Variants in PLSCR2 observed in about 807,000 individuals in gnomAD.
PLSCR2 encodes phospholipid scramblase 2.
PLSCR2 carries 18 observed loss-of-function variants against 25.3 expected under a neutral mutation model. The ratio of observed to expected loss-of-function variants is 0.71; its 90% CI spans 0.49 to 1.06. The LOEUF is 1.06. PLSCR2 is among the 50% of genes least tolerant of loss of function. The pLI, the probability that PLSCR2 is intolerant of heterozygous loss-of-function variation, is 0.00. For missense variants in PLSCR2, 243 were observed against 269.5 expected, an observed-to-expected ratio of 0.90 and a Z score of 0.69; for synonymous variants, 88 against 87.3, an observed-to-expected ratio of 1.01 and a Z score of -0.04.
intron 2 of PLSCR2, among the ~76,000 whole-genome samples, chr3:146,414,212 A>G (rs909501560): frequency 1.3e-5 from 2 of 152,184 alleles, no homozygotes; most frequent in African/African-American, 4.8e-5. Flanking sequence ...TCATGACCTA[A>G]TCACCTCTTA....
At chr3:146,400,191 A>T (rs1011575217) in intron 2 of PLSCR2, among the ~76,000 whole-genome samples, 1 of 151,798 alleles carries the variant, frequency 6.6e-6, no homozygotes, top group African/African-American at 2.4e-5. Flanking sequence ...ACAAAGGAAG[A>T]AGTAAAATCT....
exon 2 of PLSCR2, chr3:146,460,076 G>C (rs747691324): frequency 6.5e-7 from 1 of 1,526,794 alleles, no homozygotes; most frequent in Non-Finnish European, 8.8e-7. Flanking sequence ...CAATATGTCC[G>C]GGAGGTCCTG....
At chr3:146,493,154 A>G (rs888083743) in intron 1 of PLSCR2, among the ~76,000 whole-genome samples, 3 of 152,160 alleles carry the variant, frequency 2.0e-5, no homozygotes, top group Admixed American at 6.5e-5. Context: ...CCAAAACTGA[A>G]TGAGTAATAA....
intron 2 of PLSCR2, among the ~76,000 whole-genome samples, chr3:146,406,887 G>A (rs953630451): frequency 2.0e-5 from 3 of 152,126 alleles, no homozygotes; most frequent in Non-Finnish European, 4.4e-5. Context: ...GATTGGGATG[G>A]GTTCCTCGAA....
At chr3:146,400,267 A>G (rs2038419509) in intron 2 of PLSCR2, among the ~76,000 whole-genome samples, 3 of 151,762 alleles carry the variant, frequency 2.0e-5, no homozygotes, top group African/African-American at 7.2e-5. Flanking sequence ...AGAATTTGTA[A>G]GTAATTTTTG....
At chr3:146,459,811 T>TC (rs779883871) in intron 2 of PLSCR2, 37 bp downstream of exon 2, 1 of 1,422,796 alleles carries the variant, frequency 7.0e-7, no homozygotes, top group Non-Finnish European at 9.7e-7. Flanking sequence ...AAGAGAGTTT[T>TC]TTTTTTTTTC....
intron 2 of PLSCR2, among the ~76,000 whole-genome samples, chr3:146,409,249 A>AG (rs879449040): frequency 6.6e-5 from 10 of 152,068 alleles, no homozygotes; most frequent in Non-Finnish European, 1.0e-4. Flanking sequence ...TACAGTCAAG[A>AG]GGCAATGGGT....
downstream of PLSCR2, among the ~76,000 whole-genome samples, chr3:146,437,399 T>G (rs1475876274): frequency 6.6e-6 from 1 of 151,590 alleles, no homozygotes; most frequent in African/African-American, 2.4e-5. Context: ...GTGAATCTGG[T>G]CCTGGACTTT....
At chr3:146,432,486 CAA>C (rs1371608699), downstream of PLSCR2, among the ~76,000 whole-genome samples, 1 of 151,992 alleles carries the variant, frequency 6.6e-6, no homozygotes, top group South Asian at 2.1e-4. Context: ...GAAAGATGGG[CAA>C]AGTGAGCCAC....
upstream of PLSCR2, among the ~76,000 whole-genome samples, chr3:146,464,420 T>C (rs1274031808): frequency 6.6e-6 from 1 of 152,198 alleles, no homozygotes; most frequent in Admixed American, 6.5e-5. Flanking sequence ...ATAACATGAC[T>C]CAGTTTAGGA....
intron 1 of PLSCR2, among the ~76,000 whole-genome samples, chr3:146,479,004 A>T (rs1353915139): frequency 6.6e-6 from 1 of 152,226 alleles, no homozygotes; most frequent in Admixed American, 6.5e-5. Flanking sequence ...AAGCTTCATA[A>T]GTAAAGGAGA....
At chr3:146,492,400 T>C (rs548994807) in intron 1 of PLSCR2, among the ~76,000 whole-genome samples, 3 of 152,208 alleles carry the variant, frequency 2.0e-5, no homozygotes, top group South Asian at 2.1e-4. Flanking sequence ...CACATACTTG[T>C]GCATAAAGCA....
downstream of PLSCR2, among the ~76,000 whole-genome samples, chr3:146,439,764 T>G (rs570149856): frequency 6.6e-6 from 1 of 152,328 alleles, no homozygotes; most frequent in East Asian, 1.9e-4. Context: ...TGAAGCCTTC[T>G]TCTCTCAACT....
At chr3:146,405,043 T>C (rs977213521) in intron 2 of PLSCR2, among the ~76,000 whole-genome samples, 6 of 152,070 alleles carry the variant, frequency 3.9e-5, no homozygotes, top group African/African-American at 1.4e-4. Flanking sequence ...TGCCACACTT[T>C]GAGACGGATT....
chr3:146,465,999 A>G (rs558989167), intron 1 of PLSCR2, among the ~76,000 whole-genome samples: 19 of 152,350 alleles, frequency 1.2e-4, no homozygotes, highest in African/African-American at 3.6e-4. Context: ...AAAGCACACC[A>G]TATCTGTGAG....
chr3:146,469,514 C>T (rs1343445509), intron 1 of PLSCR2: 1 of 985,232 alleles, frequency 1.0e-6, no homozygotes, highest in Admixed American at 6.1e-5. Flanking sequence ...CAGCTGCTCC[C>T]GCACAGCCCT....
chr3:146,440,099 G>A (rs535168035), downstream of PLSCR2, among the ~76,000 whole-genome samples: 8 of 152,178 alleles, frequency 5.3e-5, no homozygotes, highest in African/African-American at 1.9e-4. Flanking sequence ...AAATATTGCA[G>A]AACGGCAAAT....
intron 8 of PLSCR2, among the ~76,000 whole-genome samples, chr3:146,436,416 T>G (rs2039863253): frequency 6.6e-6 from 1 of 152,232 alleles, no homozygotes. Flanking sequence ...GCATGAAATG[T>G]TCTTCCATTT....
chr3:146,435,019 G>C (rs1433677687), intron 8 of PLSCR2, among the ~76,000 whole-genome samples: 1 of 150,528 alleles, frequency 6.6e-6, no homozygotes, highest in Admixed American at 6.7e-5. Context: ...AGAACATGTG[G>C]TGTTTGGTTT....
Sources: allele counts gnomAD v4.1 joint callset (sites outside exome capture counted in the v4.1 genomes callset), GRCh38; gene constraint gnomAD v4.1.1; transcripts MANE v1.5; gene names NCBI Gene and HGNC (gene_info 2026-07-23, HGNC 2026-07-21).